The following ASTN2 variants were observed in gnomAD, a reference collection of about 807,000 sequenced individuals.
ASTN2 encodes the protein astrotactin-2.
ASTN2 carries 54 observed loss-of-function variants against 139.8 expected under a neutral mutation model. The observed-to-expected ratio is 0.39, with a 90% CI of 0.31 to 0.48. The LOEUF (loss-of-function observed/expected upper bound fraction) is 0.48, where lower values mean the gene tolerates loss of function less well. ASTN2 is among the 20% of genes least tolerant of loss of function. The pLI is 0.95. For synonymous variants in ASTN2, 756 were observed against 719.5 expected, an observed-to-expected ratio of 1.05 and a Z score of -0.81; for missense variants, 1,565 against 1,725.1, an observed-to-expected ratio of 0.91 and a Z score of 1.64.
chr9:117,322,184 C>T (rs532870005), intron 1 of ASTN2, among the ~76,000 whole-genome samples: 2 of 152,120 alleles, frequency 1.3e-5, no homozygotes, highest in African/African-American at 4.8e-5. Context: ...TAGACCCCTC[C>T]TCTGTTTGAC....
chr9:116,609,668 C>T (rs1262057661), intron 19 of ASTN2, among the ~76,000 whole-genome samples: 2 of 151,068 alleles, frequency 1.3e-5, no homozygotes, highest in Non-Finnish European at 3.0e-5. Context: ...ATGAAGAGTA[C>T]CAAAGTTAGT....
chr9:116,814,525 C>G (rs1305328786), intron 12 of ASTN2, among the ~76,000 whole-genome samples: 1 of 151,794 alleles, frequency 6.6e-6, no homozygotes, highest in African/African-American at 2.4e-5. Flanking sequence ...GAAACACTCT[C>G]AGTTTACATA....
chr9:117,412,956 C>G (rs561132136), intron 1 of ASTN2, among the ~76,000 whole-genome samples: 2 of 152,200 alleles, frequency 1.3e-5, no homozygotes, highest in African/African-American at 4.8e-5. Context: ...TTGTGTGTGT[C>G]TGTGTGTGTG....
chr9:116,647,340 GATACTTA>G (rs1262477739), intron 17 of ASTN2, among the ~76,000 whole-genome samples: 1 of 152,216 alleles, frequency 6.6e-6, no homozygotes, highest in Non-Finnish European at 1.5e-5. Context: ...GGGGCTCAAA[GATACTTA>G]ATGAATGAAT....
intron 5 of ASTN2, among the ~76,000 whole-genome samples, chr9:117,085,917 A>T (rs1828548655): frequency 6.6e-6 from 1 of 152,170 alleles, no homozygotes; most frequent in African/African-American, 2.4e-5. Flanking sequence ...CTTAAATACA[A>T]ATTCAAGCTT....
intron 3 of ASTN2, among the ~76,000 whole-genome samples, chr9:117,209,171 A>C (rs1355168555): frequency 6.6e-6 from 1 of 152,160 alleles, no homozygotes; most frequent in African/African-American, 2.4e-5. Context: ...ACCAGAAAAC[A>C]CTCAGTGAAA....
chr9:117,291,394 C>A lies in ASTN2; in HGVS notation c.562G>T (p.Ala188Ser). Residue 188 changes from alanine to serine, a missense_variant, in exon 2 of 23, where the codon GCC becomes TCC. This residue lies in a region of ASTN2 where 596 missense variants were observed against 576.8 expected (regional missense o/e 1.03). Coordinates refer to ENST00000313400, the MANE Select transcript of ASTN2 (RefSeq NM_001365068.1). ...SSSGQLAQAT[A>S]PTLQEPSEIV... ...TCCGAGGGCTCCTGGAGAGTGGGGG[C>A]GGTGGCTTGGGCCAGCTGCCCGGAG... is the stretch of plus-strand genomic sequence containing the variant. 1 of 1,614,192 alleles carries A rather than the reference C, an allele frequency of 6.2e-7. No individual in the cohort carries two copies. The highest frequency in any genetic ancestry group is 1.3e-5 in the African/African-American group (1 of 75,068).
intron 1 of ASTN2, among the ~76,000 whole-genome samples, chr9:117,365,299 AAAAGAAAGAAAGAAAAAGAAAG>A (rs1169624826): frequency 3.0e-4 from 44 of 148,674 alleles, no homozygotes; most frequent in Middle Eastern, 6.8e-3. Flanking sequence ...AATAGAAAGA[AAAAGAAAGAAAGAAAAAGAAAG>A]AAAGAAAGAA....
At chr9:117,411,890 A>T (rs1302525799) in intron 1 of ASTN2, among the ~76,000 whole-genome samples, 2 of 152,178 alleles carry the variant, frequency 1.3e-5, no homozygotes, top group Non-Finnish European at 2.9e-5. Context: ...GTTAGGCAGG[A>T]TGTTTAAAAG....
At chr9:116,940,577 A>G (rs907812210) in intron 10 of ASTN2, among the ~76,000 whole-genome samples, 2 of 152,242 alleles carry the variant, frequency 1.3e-5, no homozygotes, top group African/African-American at 4.8e-5. Context: ...TCATAGAATG[A>G]AGATGTAAAC....
intron 13 of ASTN2, among the ~76,000 whole-genome samples, chr9:116,761,814 C>A (rs1004331505): frequency 2.0e-5 from 3 of 151,994 alleles, no homozygotes; most frequent in Non-Finnish European, 4.4e-5. Context: ...TCTAATGAGA[C>A]CTGCATGTTA....
intron 16 of ASTN2, among the ~76,000 whole-genome samples, chr9:116,652,572 T>A (rs746101039): frequency 6.6e-6 from 1 of 152,168 alleles, no homozygotes; most frequent in Non-Finnish European, 1.5e-5. Context: ...TCAAGCCAAC[T>A]TCATCTGAAA....
At chr9:116,943,790 C>T (rs113392014) in intron 10 of ASTN2, among the ~76,000 whole-genome samples, 3,206 of 152,268 alleles carry the variant, frequency 0.021, 121 homozygotes, top group African/African-American at 0.074. Context: ...TCCATTGCAA[C>T]GCATTCTGTT....
chr9:117,318,266 T>C (rs1006927319), intron 1 of ASTN2, among the ~76,000 whole-genome samples: 1 of 152,186 alleles, frequency 6.6e-6, no homozygotes, highest in Admixed American at 6.6e-5. Flanking sequence ...GGGACACTGA[T>C]AATGTCCATC....
At chr9:117,359,828 T>C (rs1236379348) in intron 1 of ASTN2, among the ~76,000 whole-genome samples, 2 of 152,184 alleles carry the variant, frequency 1.3e-5, no homozygotes, top group South Asian at 2.1e-4. Flanking sequence ...TCAGTAACTG[T>C]ACTTTTCTGA....
chr9:116,723,841 G>A (rs1465384690), intron 16 of ASTN2, among the ~76,000 whole-genome samples: 1 of 152,192 alleles, frequency 6.6e-6, no homozygotes, highest in Admixed American at 6.5e-5. Flanking sequence ...GACGATGGAA[G>A]CAAGAAAAGT....
chr9:116,854,808 C>T (rs780696765), intron 11 of ASTN2, among the ~76,000 whole-genome samples: 25 of 152,062 alleles, frequency 1.6e-4, no homozygotes, highest in Admixed American at 5.9e-4. Flanking sequence ...CCTGCCACCA[C>T]GCTCTGCTAA....
chr9:117,164,655 C>A lies in ASTN2; in HGVS notation c.1016-23177G>T, dbSNP rs1327802196. 2.6e-5 allele frequency among the ~76,000 whole-genome samples: 4 copies of A among 152,154 alleles called. No homozygotes were observed. In the East Asian group the frequency reaches 7.8e-4, roughly 30 times the overall value. On this transcript the variant is annotated intron_variant, in intron 3 of 22. Coordinates refer to ENST00000313400, the MANE Select transcript of ASTN2 (RefSeq NM_001365068.1). The stretch of plus-strand genomic sequence containing the variant: ...CATCCTTATGAAACATGGGCCTGAG[C>A]TGAAGCAGCGAAGGTTCCTCAGGGC...
At chr9:116,731,710 C>T (rs1296918733) in intron 14 of ASTN2, among the ~76,000 whole-genome samples, 1 of 152,160 alleles carries the variant, frequency 6.6e-6, no homozygotes, top group Non-Finnish European at 1.5e-5. Context: ...AGGCATGAGC[C>T]ACTGCGCCCG....
Sources: gnomAD v4.1 joint callset for allele counts (sites outside exome capture counted in the v4.1 genomes callset) on GRCh38, gnomAD v4.1.1 for gene constraint, gnomAD v4.1.1 regional missense constraint, MANE v1.5 for transcripts, NCBI Gene and HGNC (gene_info 2026-07-23, HGNC 2026-07-21) for gene names.